The following AARS1 variants were observed in gnomAD, a reference collection of about 807,000 sequenced individuals.
The protein encoded by AARS1 is alanine--tRNA ligase, cytoplasmic.
AARS1 carries 72 observed loss-of-function variants against 108.9 expected under a neutral mutation model. The observed-to-expected ratio is 0.66, with a 90% CI of 0.55 to 0.80. The LOEUF is 0.80. Ranked by LOEUF, AARS1 falls within the 30% of genes least tolerant of loss-of-function variation. AARS1 has a pLI of 0.00. For synonymous variants in AARS1, 489 were observed against 465.7 expected (o/e 1.05, Z -0.64); for missense variants, 1,193 against 1,233.2 (o/e 0.97, Z 0.49).
intron 1 of AARS1, among the ~76,000 whole-genome samples, chr16:70,286,872 T>C (rs1049009226): frequency 2.6e-5 from 4 of 151,218 alleles, no homozygotes; most frequent in Non-Finnish European, 5.9e-5. Context: ...TCCCAGCACT[T>C]TGGGGGGCCG....
At chr16:70,261,459 G>A (rs569039704) in intron 12 of AARS1, 46 of 328,258 alleles carry the variant, frequency 1.4e-4, no homozygotes, top group Middle Eastern at 1.1e-3. Context: ...TTAGCCAGGC[G>A]TGAAGGCAAG....
chr16:70,273,502 G>C (rs1960460940), intron 4 of AARS1, among the ~76,000 whole-genome samples: 1 of 152,144 alleles, frequency 6.6e-6, no homozygotes, highest in South Asian at 2.1e-4. Context: ...TAGATCGCTT[G>C]AGCTCAGGAG....
chr16:70,264,678 T>C (rs898189347), intron 11 of AARS1, among the ~76,000 whole-genome samples: 2 of 152,056 alleles, frequency 1.3e-5, no homozygotes, highest in Non-Finnish European at 2.9e-5. Flanking sequence ...GTTTCCTGCA[T>C]GATGTTACAA....
At chr16:70,258,952 G>C (rs1293139782) in intron 14 of AARS1, 28 bp downstream of exon 14, 11 of 1,602,174 alleles carry the variant, frequency 6.9e-6, no homozygotes, top group Middle Eastern at 1.7e-4. Flanking sequence ...TGTGGGGAGG[G>C]GGGGCATTCA....
At chr16:70,278,756 T>C (rs1368867256) in intron 2 of AARS1, among the ~76,000 whole-genome samples, 4 of 152,060 alleles carry the variant, frequency 2.6e-5, no homozygotes, top group Non-Finnish European at 4.4e-5. Context: ...CACTCATCTC[T>C]GTATCTTCGG....
At chr16:70,275,910 C>G (rs142818352) in intron 4 of AARS1, among the ~76,000 whole-genome samples, 1 of 113,634 alleles carries the variant, frequency 8.8e-6, no homozygotes, top group Non-Finnish European at 1.6e-5. Context: ...GCACTCCAGT[C>G]TGGGAGACAG....
intron 19 of AARS1, 151 bp from the exon 20 acceptor site, chr16:70,253,532 G>A (rs1034361779): frequency 1.9e-5 from 19 of 1,017,638 alleles, no homozygotes; most frequent in East Asian, 2.6e-5. Flanking sequence ...CCCCAGCGCC[G>A]GGCCCTGCCC....
Position 70,265,081 on chromosome 16 carries a change from C to A in AARS1, c.1369G>T (p.Ala457Ser). 6.2e-7 allele frequency: 1 copy of A among 1,614,174 alleles called. No individual in the cohort carries two copies. ...AGCATAATGAGGTCTTCCCCACCAGCTCCCTTGCCCTGTGATTTCAGCTGT... is the reference window on the plus strand; with the variant it reads ...AGCATAATGAGGTCTTCCCCACCAGATCCCTTGCCCTGTGATTTCAGCTGT... ...LAQLKSQGKG[A>S]GGEDLIMLDI... The change falls in exon 11 of 21, where the codon GCT becomes TCT. Residue 457 changes from alanine to serine, a missense_variant. Transcript: ENST00000261772.
chr16:70,260,225 T>C (rs553220114), intron 13 of AARS1, among the ~76,000 whole-genome samples: 4 of 152,212 alleles, frequency 2.6e-5, no homozygotes, highest in African/African-American at 9.6e-5. Context: ...TACACAAAGT[T>C]TGCCAACCCC....
chr16:70,252,844 G>A lies in AARS1; in HGVS notation c.2784C>T (p.Asp928=), dbSNP rs1205634956. Reference sequence around the variant, plus strand: ...ACACATCCTTGCCACCACCTTTACCGTCCATCAAGCCTGACACCTGCTGCA... The same window carrying A: ...ACACATCCTTGCCACCACCTTTACCATCCATCAAGCCTGACACCTGCTGCA... ...EWVQQVSGLM[D]GKGGGKDVSA... Residue 928 remains aspartate (D), a synonymous_variant, in exon 21 of 21, where the codon GAC becomes GAT. Transcript: ENST00000261772. 1 of 1,614,156 alleles carries A rather than the reference G, an allele frequency of 6.2e-7. No individual in the cohort carries two copies. The highest frequency in any genetic ancestry group is 2.2e-5 in the East Asian group (1 of 44,888).
chr16:70,262,981 A>G (rs1960174664), intron 11 of AARS1, among the ~76,000 whole-genome samples: 1 of 145,026 alleles, frequency 6.9e-6, no homozygotes, highest in African/African-American at 2.6e-5. Flanking sequence ...AAAAAAAAAA[A>G]AAAAAAAAAA....
intron 1 of AARS1, among the ~76,000 whole-genome samples, chr16:70,286,701 G>C (rs1325082378): frequency 7.9e-5 from 12 of 151,382 alleles, no homozygotes; most frequent in African/African-American, 2.4e-4. Flanking sequence ...AAAAATTAGC[G>C]GGGTGTGGTG....
At chr16:70,278,250 A>T (rs1485472948) in intron 2 of AARS1, among the ~76,000 whole-genome samples, 1 of 151,938 alleles carries the variant, frequency 6.6e-6, no homozygotes, top group East Asian at 1.9e-4. Context: ...TTAAATAATT[A>T]GTAATTAATA....
chr16:70,263,970 G>A (rs557895157), intron 11 of AARS1, among the ~76,000 whole-genome samples: 58 of 152,090 alleles, frequency 3.8e-4, no homozygotes, highest in African/African-American at 1.3e-3. Flanking sequence ...TTATCCGGTC[G>A]GGCGAGATGG....
intron 3 of AARS1, 70 bp downstream of exon 3, chr16:70,276,896 G>T: frequency 6.5e-7 from 1 of 1,542,682 alleles, no homozygotes; most frequent in East Asian, 2.2e-5. Flanking sequence ...TGCAAAATTA[G>T]AACCCAGTTC....
chr16:70,265,908 G>A (rs1461338697), intron 9 of AARS1, among the ~76,000 whole-genome samples: 3 of 152,222 alleles, frequency 2.0e-5, no homozygotes, highest in African/African-American at 7.2e-5. Flanking sequence ...GCTGGGCACC[G>A]TGGCTCGCGC....
In AARS1 at chr16:70,262,967, CAAAAAAAAAAAAAAAAAAA is replaced by C. The variant is rs57444625; in HGVS notation, c.1493-462_1493-444del. On this transcript the variant is annotated intron_variant, in intron 11 of 20. Transcript: ENST00000261772. The stretch of plus-strand genomic sequence containing the variant: ...TGGGTGACAAAGCAAGACTCGGTCT[CAAAAAAAAAAAAAAAAAAA>C]AAAAAAAAAAAACAACAACAACAAA... Among the ~76,000 whole-genome samples, 10 of 20,594 alleles carry C rather than the reference CAAAAAAAAAAAAAAAAAAA, an allele frequency of 4.9e-4. 1 individual carries two copies. The highest frequency in any genetic ancestry group is 6.4e-4 in the Non-Finnish European group (7 of 10,934). 13.5% of individuals were successfully genotyped at this position (20,594 alleles called of 152,430 possible).
rs367753826 is a variant in AARS1, at chr16:70,279,670, C to CAAAAAAA, written c.145-2523_145-2517dup. Among the ~76,000 whole-genome samples, 171 of 114,498 alleles carry CAAAAAAA rather than the reference C, an allele frequency of 1.5e-3. 3 individuals carry two copies. Among genetic ancestry groups the CAAAAAAA allele is most frequent in the Middle Eastern group, 5.2e-3 (1 of 192 alleles). The allele number at this position is 114,498 out of a possible 152,430, so 75.1% of individuals were successfully genotyped here. A position where few individuals can be genotyped will look rare whatever the true frequency, so the allele number is the denominator to read the frequency against. Reference sequence around the variant, plus strand: ...AGCAAAACTCTGTCTCAAAAAAAAACAAAAAAAAAAAAAAAAAGAAAAGTT... The same window carrying CAAAAAAA: ...AGCAAAACTCTGTCTCAAAAAAAAACAAAAAAAAAAAAAAAAAAAAAAAAGAAAAGTT... On this transcript the variant is annotated intron_variant, in intron 2 of 20. Transcript: ENST00000261772.
chr16:70,259,778 G>GTT (rs555625002), intron 13 of AARS1, among the ~76,000 whole-genome samples: 30 of 146,390 alleles, frequency 2.0e-4, no homozygotes, highest in African/African-American at 6.2e-4. Flanking sequence ...TTTATAAACA[G>GTT]TTTTTTTTTT....
Sources: allele counts gnomAD v4.1 joint callset (sites outside exome capture counted in the v4.1 genomes callset), GRCh38; gene constraint gnomAD v4.1.1; transcripts MANE v1.5; gene names NCBI Gene and HGNC (gene_info 2026-07-23, HGNC 2026-07-21).